Variants in MGAT4A observed in about 807,000 individuals in gnomAD.
MGAT4A encodes alpha-1,3-mannosyl-glycoprotein 4-beta-N-acetylglucosaminyltransferase A, also known as N-acetylglucosaminyltransferase IVa.
In MGAT4A, 33 loss-of-function variants were observed where a neutral mutation model predicts 74.1. The ratio of observed to expected loss-of-function variants is 0.45; its 90% CI spans 0.34 to 0.60. MGAT4A has a LOEUF of 0.60. MGAT4A is among the 20% of genes least tolerant of loss of function. The pLI is 0.02. For missense variants in MGAT4A, 479 were observed against 628.3 expected, an observed-to-expected ratio of 0.76 and a Z score of 2.54; for synonymous variants, 198 against 210.4, an observed-to-expected ratio of 0.94 and a Z score of 0.51.
intron 2 of MGAT4A, among the ~76,000 whole-genome samples, chr2:98,711,663 CAT>C (rs1702520622): frequency 6.6e-6 from 1 of 151,994 alleles, no homozygotes; most frequent in Non-Finnish European, 1.5e-5. Context: ...GAAAAAAAGA[CAT>C]GTGTTCACAC....
intron 2 of MGAT4A, among the ~76,000 whole-genome samples, chr2:98,715,160 C>G (rs955132770): frequency 1.3e-5 from 2 of 150,810 alleles, no homozygotes; most frequent in African/African-American, 4.9e-5. Flanking sequence ...ACTAAAAATA[C>G]AAAAAAAAGT....
In MGAT4A at chr2:98,622,083, C is replaced by T. The variant is rs1260187525; in HGVS notation, c.*3483G>A. On this transcript the variant is annotated 3_prime_UTR_variant, in exon 16 of 16. Coordinates refer to ENST00000393487, the MANE Select transcript of MGAT4A (RefSeq NM_012214.3). ...GAATGCATGAGACTAAGATAAAGAA[C>T]TTAAGAAATCTTACATCTTAGAATC... 3.0e-6 allele frequency: 3 copies of T among 985,334 alleles called. No homozygotes were observed. The highest frequency in any genetic ancestry group is 6.1e-5 in the Admixed American group (1 of 16,268). 61.0% of individuals were successfully genotyped at this position (985,334 alleles called of 1,614,324 possible). A position where few individuals can be genotyped will look rare whatever the true frequency, so the allele number is the denominator to read the frequency against.
chr2:98,632,068 C>T (rs180847679), intron 14 of MGAT4A, among the ~76,000 whole-genome samples: 81 of 152,082 alleles, frequency 5.3e-4, no homozygotes, highest in Admixed American at 1.2e-3. Context: ...CGGGATTGCA[C>T]TACTGCACTT....
Position 98,622,942 on chromosome 2 carries a change from C to G in MGAT4A, c.*2624G>C, listed in dbSNP as rs1701082383. ...GCTGAGGCAGGAGGATTGCTTGAGGCCAGAGATCGAGGCTGCAGTGAGCTA... is the reference window on the plus strand; with the variant it reads ...GCTGAGGCAGGAGGATTGCTTGAGGGCAGAGATCGAGGCTGCAGTGAGCTA... On this transcript the variant is annotated 3_prime_UTR_variant, in exon 16 of 16. Coordinates refer to ENST00000393487, the MANE Select transcript of MGAT4A (RefSeq NM_012214.3). The G allele has an allele frequency of 3.6e-5, 35 of 983,220 alleles. No homozygotes were observed. The highest frequency in any genetic ancestry group is 4.2e-5 in the Non-Finnish European group (35 of 827,868). 60.9% of individuals were successfully genotyped at this position (983,220 alleles called of 1,614,324 possible).
At chr2:98,658,949 C>G (rs2104264526) in intron 5 of MGAT4A, among the ~76,000 whole-genome samples, 1 of 152,284 alleles carries the variant, frequency 6.6e-6, no homozygotes, top group South Asian at 2.1e-4. Context: ...TCACATTTCA[C>G]AAACATTTAC....
chr2:98,669,430 A>G (rs1372560728), intron 4 of MGAT4A, among the ~76,000 whole-genome samples: 1 of 152,198 alleles, frequency 6.6e-6, no homozygotes, highest in Non-Finnish European at 1.5e-5. Context: ...AGGCCGCCCC[A>G]GCCACGTGGA....
chr2:98,651,457 TAA>T lies in MGAT4A; in HGVS notation c.774+3986_774+3987del, dbSNP rs1269428555. ...ATAGAGTGCAGGGGAGACAGAGATG[TAA>T]AAGAGTAGAGATTTTATTTGTCATT... On this transcript the variant is annotated intron_variant, in intron 8 of 15. Coordinates refer to ENST00000393487, the MANE Select transcript of MGAT4A (RefSeq NM_012214.3). 4.6e-5 allele frequency among the ~76,000 whole-genome samples: 7 copies of T among 152,282 alleles called. No individual in the cohort carries two copies. The East Asian group carries it at 1.4e-3, about 29-fold the overall frequency.
At chr2:98,678,513 CA>C in intron 2 of MGAT4A, 42 bp from the exon 3 acceptor site, 2 of 1,288,330 alleles carry the variant, frequency 1.6e-6, no homozygotes, top group East Asian at 5.2e-5. Context: ...TGTCTTAAAA[CA>C]AATAAACAAT....
intron 12 of MGAT4A, among the ~76,000 whole-genome samples, chr2:98,637,978 T>G (rs1156519646): frequency 6.6e-6 from 1 of 152,218 alleles, no homozygotes; most frequent in African/African-American, 2.4e-5. Flanking sequence ...CTTGATATAC[T>G]GTGTCAAAAC....
intron 5 of MGAT4A, among the ~76,000 whole-genome samples, chr2:98,659,287 AG>A (rs1285090201): frequency 1.3e-5 from 2 of 152,234 alleles, no homozygotes; most frequent in Admixed American, 1.3e-4. Context: ...ACTGACAAAC[AG>A]GGTGGAGCAC....
At chr2:98,661,119 C>T (rs1220319443) in intron 5 of MGAT4A, among the ~76,000 whole-genome samples, 1 of 152,082 alleles carries the variant, frequency 6.6e-6, no homozygotes, top group African/African-American at 2.4e-5. Context: ...AGACATTTCC[C>T]AAAAGATGAC....
intron 1 of MGAT4A, among the ~76,000 whole-genome samples, chr2:98,729,976 G>A (rs1702821677): frequency 6.6e-6 from 1 of 152,180 alleles, no homozygotes; most frequent in South Asian, 2.1e-4. Flanking sequence ...GCGTTTTCGG[G>A]TTTACACGTG....
In MGAT4A at chr2:98,629,027, T is replaced by C. The variant is rs185899362; in HGVS notation, c.1469-3192A>G. ...TGGACACAGAAATCTGAATTTTATA[T>C]AATTTTCACATAGCACAATGTATTC... On this transcript the variant is annotated intron_variant, in intron 14 of 15. Transcript: ENST00000393487. Among the ~76,000 whole-genome samples the C allele has an allele frequency of 3.9e-3, 589 of 152,354 alleles. 6 individuals are homozygous for C. Among genetic ancestry groups the C allele is most frequent in the African/African-American group, 0.013 (552 of 41,572 alleles).
intron 4 of MGAT4A, among the ~76,000 whole-genome samples, chr2:98,665,539 C>A (rs1701813169): frequency 6.6e-6 from 1 of 152,096 alleles, no homozygotes; most frequent in African/African-American, 2.4e-5. Context: ...ACTCCGTCCC[C>A]CCAAAAAAAG....
chr2:98,635,869 T>C (rs913757880), intron 13 of MGAT4A, among the ~76,000 whole-genome samples: 2 of 151,466 alleles, frequency 1.3e-5, no homozygotes, highest in Non-Finnish European at 2.9e-5. Flanking sequence ...GCACCTATAC[T>C]CCCAGCTACT....
chr2:98,635,717 G>A (rs959600563), intron 13 of MGAT4A, among the ~76,000 whole-genome samples: 4 of 152,028 alleles, frequency 2.6e-5, no homozygotes, highest in Non-Finnish European at 5.9e-5. Context: ...TTCAGGCCAG[G>A]CACAGTGGCT....
chr2:98,630,025 G>T (rs918883797), intron 14 of MGAT4A, among the ~76,000 whole-genome samples: 1 of 152,148 alleles, frequency 6.6e-6, no homozygotes, highest in Non-Finnish European at 1.5e-5. Flanking sequence ...TACCCTGGGC[G>T]ACAGAGCAAG....
At chr2:98,667,779 G>T (rs931179142) in intron 4 of MGAT4A, among the ~76,000 whole-genome samples, 4 of 151,988 alleles carry the variant, frequency 2.6e-5, no homozygotes, top group Admixed American at 2.6e-4. Flanking sequence ...GAGTGCAATG[G>T]CATGATTTCG....
rs534943882 is a variant in MGAT4A at position 98,660,418 on chromosome 2, GCACACACACA to G, written c.538-2164_538-2155del. On this transcript the variant is annotated intron_variant, in intron 5 of 15. Transcript: ENST00000393487. ...CACACACACACACACACACGCACGC[GCACACACACA>G]CACACACACACACACACACACACAC... Among the ~76,000 whole-genome samples the G allele has an allele frequency of 7.5e-3, 1,068 of 141,708 alleles. 10 individuals are homozygous for G. Among genetic ancestry groups the G allele is most frequent in the African/African-American group, 0.026 (992 of 37,788 alleles). 93.0% of individuals were successfully genotyped at this position (141,708 alleles called of 152,430 possible).
Sources: allele counts gnomAD v4.1 joint callset (sites outside exome capture counted in the v4.1 genomes callset), GRCh38; gene constraint gnomAD v4.1.1; transcripts MANE v1.5; gene names NCBI Gene and HGNC (gene_info 2026-07-23, HGNC 2026-07-21).